RAPGEF4: variants seen among roughly 807,000 people sequenced by gnomAD.
RAPGEF4 encodes RAP guanine-nucleotide-exchange factor (GEF) 4.
RAPGEF4 carries 66 observed loss-of-function variants against 147.9 expected under a neutral mutation model. The ratio of observed to expected loss-of-function variants is 0.45; its 90% CI spans 0.37 to 0.55. The LOEUF is 0.55. Among genes scored for constraint, RAPGEF4 ranks in the 20% least tolerant of loss-of-function variants. RAPGEF4 has a pLI of 0.00. For missense variants in RAPGEF4, 1,071 were observed against 1,257.3 expected, an observed-to-expected ratio of 0.85 and a Z score of 2.24; for synonymous variants, 419 against 442.7, an observed-to-expected ratio of 0.95 and a Z score of 0.67.
intron 6 of RAPGEF4, among the ~76,000 whole-genome samples, chr2:172,943,216 T>C (rs565396439): frequency 6.6e-6 from 1 of 152,268 alleles, no homozygotes; most frequent in Non-Finnish European, 1.5e-5. Context: ...TGAAGAGACT[T>C]TGAAGCAGTG....
At chr2:172,870,158 G>C (rs1178439642) in intron 4 of RAPGEF4, among the ~76,000 whole-genome samples, 3 of 152,120 alleles carry the variant, frequency 2.0e-5, no homozygotes, top group African/African-American at 4.8e-5. Context: ...ACCCAATTAG[G>C]GGGAGATAGG....
intron 4 of RAPGEF4, among the ~76,000 whole-genome samples, chr2:172,904,247 A>G (rs1264337572): frequency 6.6e-6 from 1 of 152,146 alleles, no homozygotes; most frequent in South Asian, 2.1e-4. Context: ...GAAGACTAAT[A>G]TGGTTGAATA....
intron 1 of RAPGEF4, among the ~76,000 whole-genome samples, chr2:172,740,344 C>T (rs897957279): frequency 2.6e-5 from 4 of 152,208 alleles, no homozygotes; most frequent in Non-Finnish European, 5.9e-5. Flanking sequence ...ATTTGAGGAA[C>T]ACTGGCCGTC....
intron 15 of RAPGEF4, among the ~76,000 whole-genome samples, chr2:172,995,121 G>A (rs1431478549): frequency 1.3e-5 from 2 of 150,982 alleles, no homozygotes; most frequent in Admixed American, 6.6e-5. Flanking sequence ...AATATGTTAA[G>A]AGTTACTCTT....
chr2:172,985,534 A>G (rs760398085), intron 12 of RAPGEF4, 41 bp downstream of exon 12: 16 of 1,597,924 alleles, frequency 1.0e-5, no homozygotes, highest in Non-Finnish European at 1.3e-5. Context: ...CCTGGCCAGC[A>G]CCCTTGCAAG....
At chr2:173,044,712 G>T (rs998698012) in intron 29 of RAPGEF4, among the ~76,000 whole-genome samples, 1 of 152,134 alleles carries the variant, frequency 6.6e-6, no homozygotes, top group Non-Finnish European at 1.5e-5. Context: ...CGACAGGGGG[G>T]TTCAATTTGT....
At chr2:172,865,340 A>G (rs1203585221) in intron 4 of RAPGEF4, among the ~76,000 whole-genome samples, 2 of 152,158 alleles carry the variant, frequency 1.3e-5, no homozygotes, top group African/African-American at 2.4e-5. Flanking sequence ...GCTTCCTGCC[A>G]ACAAATCAAT....
chr2:172,873,553 T>C (rs1462371567), intron 4 of RAPGEF4, among the ~76,000 whole-genome samples: 4 of 152,202 alleles, frequency 2.6e-5, no homozygotes, highest in East Asian at 1.9e-4. Flanking sequence ...ACTAGAGATA[T>C]GTACAAATGC....
intron 6 of RAPGEF4, among the ~76,000 whole-genome samples, chr2:172,940,120 G>A (rs964263133): frequency 6.6e-6 from 1 of 152,050 alleles, no homozygotes; most frequent in African/African-American, 2.4e-5. Context: ...CCCTCACTTA[G>A]AATTTGTCTA....
At chr2:172,757,526 A>G (rs1028115936) in intron 1 of RAPGEF4, among the ~76,000 whole-genome samples, 2 of 152,198 alleles carry the variant, frequency 1.3e-5, no homozygotes, top group Non-Finnish European at 2.9e-5. Context: ...TTTCCATCCT[A>G]TCTTCTTCCC....
At chr2:172,770,638 C>T (rs892487165) in intron 1 of RAPGEF4, among the ~76,000 whole-genome samples, 2 of 152,256 alleles carry the variant, frequency 1.3e-5, no homozygotes, top group Middle Eastern at 3.4e-3. Flanking sequence ...TCACATTGCA[C>T]CCACAGCATG....
chr2:172,865,742 C>G (rs995274563), intron 4 of RAPGEF4, among the ~76,000 whole-genome samples: 2 of 152,140 alleles, frequency 1.3e-5, no homozygotes, highest in Non-Finnish European at 2.9e-5. Flanking sequence ...TTCCTCTTAC[C>G]TCCATCAGGA....
chr2:172,746,471 G>T (rs1694777553), intron 1 of RAPGEF4, among the ~76,000 whole-genome samples: 1 of 152,090 alleles, frequency 6.6e-6, no homozygotes, highest in African/African-American at 2.4e-5. Flanking sequence ...GAAACCAAGG[G>T]ACATATGTTA....
At chr2:172,745,168 A>G (rs1176191315) in intron 1 of RAPGEF4, among the ~76,000 whole-genome samples, 3 of 152,134 alleles carry the variant, frequency 2.0e-5, no homozygotes, top group South Asian at 2.1e-4. Flanking sequence ...GAACTTATAT[A>G]AGATCAATGC....
chr2:172,954,431 C>T (rs1029822989), intron 6 of RAPGEF4, among the ~76,000 whole-genome samples: 4 of 152,104 alleles, frequency 2.6e-5, no homozygotes, highest in African/African-American at 9.7e-5. Flanking sequence ...AAGAGAAAAG[C>T]TGAAACTGGA....
At chr2:172,954,171 C>T (rs187864135) in intron 6 of RAPGEF4, among the ~76,000 whole-genome samples, 1 of 152,262 alleles carries the variant, frequency 6.6e-6, no homozygotes, top group East Asian at 1.9e-4. Flanking sequence ...GCCCCATCCC[C>T]AGGAGTTTCT....
chr2:172,844,251 C>T (rs902090281), intron 4 of RAPGEF4, among the ~76,000 whole-genome samples: 7 of 152,144 alleles, frequency 4.6e-5, no homozygotes, highest in African/African-American at 1.7e-4. Context: ...CTCTTGGAAA[C>T]CTCATCTCGA....
intron 3 of RAPGEF4, among the ~76,000 whole-genome samples, chr2:172,799,868 G>A (rs1029471472): frequency 6.6e-6 from 1 of 152,198 alleles, no homozygotes. Flanking sequence ...CACACCAGAT[G>A]TGAAAGCTGG....
chr2:172,984,921 T>A (rs1692084212), intron 11 of RAPGEF4, among the ~76,000 whole-genome samples: 1 of 152,198 alleles, frequency 6.6e-6, no homozygotes, highest in Non-Finnish European at 1.5e-5. Context: ...GAATTTTTTT[T>A]TAAATGTGAA....
Sources: allele counts gnomAD v4.1 joint callset (sites outside exome capture counted in the v4.1 genomes callset), GRCh38; gene constraint gnomAD v4.1.1; transcripts MANE v1.5; gene names NCBI Gene and HGNC (gene_info 2026-07-23, HGNC 2026-07-21).